Variants in SCEL observed in about 807,000 individuals in gnomAD.
SCEL encodes the protein sciellin.
Under a neutral mutation model 117.6 loss-of-function variants are expected in SCEL, and 113 were observed. The observed-to-expected ratio is 0.96, with a 90% CI of 0.83 to 1.12. The LOEUF is 1.12. Ranked by LOEUF, SCEL falls within the 50% of genes most tolerant of loss-of-function variation. SCEL has a pLI of 0.00. For synonymous variants in SCEL, 270 were observed against 256.2 expected (o/e 1.05, Z -0.51); for missense variants, 785 against 810.8 (o/e 0.97, Z 0.39).
At chr13:77,550,413 T>A (rs200288653) in intron 1 of SCEL, among the ~76,000 whole-genome samples, 60 of 135,852 alleles carry the variant, frequency 4.4e-4, no homozygotes, top group African/African-American at 8.7e-4. Flanking sequence ...TATATATATA[T>A]TATATATATA....
intron 20 of SCEL, among the ~76,000 whole-genome samples, chr13:77,608,629 C>A (rs2088408446): frequency 6.6e-6 from 1 of 151,996 alleles, no homozygotes; most frequent in South Asian, 2.1e-4. Context: ...TTTTTTGTCA[C>A]TTGATAGTTG....
In SCEL at chr13:77,644,271, A is replaced by G. The variant is rs1159607406; in HGVS notation, c.2064A>G (p.Pro688=). 8 of 1,613,286 alleles carry G rather than the reference A, an allele frequency of 5.0e-6. No individual in the cohort carries two copies. Among genetic ancestry groups the G allele is most frequent in the South Asian group, 1.1e-5 (1 of 90,996 alleles). Residue 688 remains proline, a synonymous_variant, in exon 33 of 33, where the codon CCA becomes CCG. Coordinates refer to ENST00000349847, the MANE Select transcript of SCEL (RefSeq NM_144777.3). ...TTTAATTTGCAGCAAAGTGGATTCC[A>G]TAACTCTGGCACAAGGAAATCAAGA... The part of the protein sequence containing the change: ...CYSKIMAKWI[P]
At chr13:77,604,201 T>C in intron 18 of SCEL, 155 bp from the exon 19 acceptor site, 1 of 481,340 alleles carries the variant, frequency 2.1e-6, no homozygotes, top group Non-Finnish European at 3.6e-6. Context: ...GCTCAAGTTG[T>C]AAGAGAATAT....
At position 77,568,379 on chromosome 13, in the gene SCEL, A is replaced by C. The variant is rs1239630151; in HGVS notation, c.398+46A>C. ...TAGTATATTTCTTTTTATGTATTCA[A>C]GAAAAACCAGGGAAAACCACCTCAG... On this transcript the variant is annotated intron_variant, in intron 7 of 32. Coordinates refer to ENST00000349847, the MANE Select transcript of SCEL (RefSeq NM_144777.3). 14 of 1,282,560 alleles carry C rather than the reference A, an allele frequency of 1.1e-5. No homozygotes were observed. The South Asian group carries it at 1.4e-4, about 13-fold the overall frequency. 79.4% of individuals were successfully genotyped at this position (1,282,560 alleles called of 1,614,324 possible). A position where few individuals can be genotyped will look rare whatever the true frequency, so the allele number is the denominator to read the frequency against.
intron 28 of SCEL, among the ~76,000 whole-genome samples, chr13:77,628,729 T>C (rs2089891176): frequency 6.6e-6 from 1 of 152,306 alleles, no homozygotes; most frequent in East Asian, 1.9e-4. Flanking sequence ...AGAAATGATA[T>C]TGTGATTTCA....
intron 1 of SCEL, among the ~76,000 whole-genome samples, chr13:77,547,041 G>A (rs2084030219): frequency 6.6e-6 from 1 of 152,140 alleles, no homozygotes; most frequent in South Asian, 2.1e-4. Flanking sequence ...CCTGAGAAAT[G>A]TGGCTTTAGA....
At chr13:77,538,592 G>A (rs1172197363) in intron 1 of SCEL, among the ~76,000 whole-genome samples, 3 of 152,002 alleles carry the variant, frequency 2.0e-5, no homozygotes, top group Admixed American at 6.5e-5. Flanking sequence ...ATTTCATGTC[G>A]ATTACTAAAT....
chr13:77,635,281 T>C (rs966444391), intron 29 of SCEL, among the ~76,000 whole-genome samples: 1 of 152,220 alleles, frequency 6.6e-6, no homozygotes, highest in Non-Finnish European at 1.5e-5. Flanking sequence ...TCTGGCGTGT[T>C]CAAGTCAGTG....
chr13:77,543,541 C>T (rs933988021), intron 1 of SCEL, among the ~76,000 whole-genome samples: 2 of 152,152 alleles, frequency 1.3e-5, no homozygotes, highest in Non-Finnish European at 2.9e-5. Context: ...AAATGTCACT[C>T]TATGTAAATC....
In SCEL at chr13:77,640,749, G is replaced by T. The variant is rs200366354; in HGVS notation, c.1912G>T (p.Glu638Ter). Residue 638 changes from glutamate to a stop codon, truncating the protein, a stop_gained, in exon 31 of 33, where the codon GAA becomes TAA. Coordinates refer to ENST00000349847, the MANE Select transcript of SCEL (RefSeq NM_144777.3). LOFTEE classifies it high-confidence loss of function. Reference protein sequence around the residue: ...LGVETKMILDELQICCHSTCF... With the variant: ...LGVETKMILD ...TGTAGAAACTAAAATGATTTTAGAT[G>T]AATTACAAATTTGCTGCCATTCTAC... 6.9e-6 allele frequency: 11 copies of T among 1,603,290 alleles called. No homozygotes were observed. The South Asian group carries it at 8.9e-5, about 13-fold the overall frequency.
chr13:77,541,706 A>AT (rs961346966), intron 1 of SCEL, among the ~76,000 whole-genome samples: 11 of 151,662 alleles, frequency 7.3e-5, no homozygotes, highest in Admixed American at 2.0e-4. Flanking sequence ...AAGGTGTCTG[A>AT]TTTTTTTTTC....
chr13:77,613,540 G>T (rs2088817085), intron 23 of SCEL, among the ~76,000 whole-genome samples: 1 of 152,114 alleles, frequency 6.6e-6, no homozygotes, highest in African/African-American at 2.4e-5. Context: ...TTATGAACAT[G>T]AGACAGAGGG....
At chr13:77,564,268 G>A (rs940307909) in intron 5 of SCEL, among the ~76,000 whole-genome samples, 9 of 150,230 alleles carry the variant, frequency 6.0e-5, no homozygotes, top group South Asian at 2.1e-4. Context: ...GTGGAAAAAC[G>A]TTAGTCCATG....
intron 19 of SCEL, 105 bp downstream of exon 19, chr13:77,604,520 C>T: frequency 1.2e-6 from 1 of 813,778 alleles, no homozygotes; most frequent in Non-Finnish European, 1.9e-6. Context: ...CAGGCCAAAA[C>T]AAACTGAGCT....
intron 1 of SCEL, among the ~76,000 whole-genome samples, chr13:77,543,310 C>G (rs1281401323): frequency 2.0e-5 from 3 of 151,788 alleles, no homozygotes; most frequent in East Asian, 1.9e-4. Flanking sequence ...GTCTCGATCT[C>G]CTGACCTCGT....
chr13:77,606,883 C>T lies in SCEL; in HGVS notation c.1158-1173C>T, dbSNP rs552116218. 2.5e-4 allele frequency among the ~76,000 whole-genome samples: 38 copies of T among 152,194 alleles called. 1 individual carries two copies. In the South Asian group the frequency reaches 7.5e-3, roughly 30 times the overall value. On this transcript the variant is annotated intron_variant, in intron 19 of 32. Transcript: ENST00000349847. ...TGTTCTTTTCCCTATGTGGCATCCT[C>T]TGTAGATCAGAGCAGCATTTACTGC...
intron 30 of SCEL, among the ~76,000 whole-genome samples, chr13:77,637,730 T>G (rs2090373513): frequency 6.6e-6 from 1 of 152,056 alleles, no homozygotes; most frequent in Non-Finnish European, 1.5e-5. Context: ...AATCCCCCCT[T>G]CTTGTGCTTT....
At chr13:77,539,343 C>CA (rs2083575954) in intron 1 of SCEL, among the ~76,000 whole-genome samples, 2 of 151,066 alleles carry the variant, frequency 1.3e-5, no homozygotes, top group African/African-American at 4.9e-5. Context: ...CACAATAGCA[C>CA]AAAAATATAA....
rs753913339 is a variant in SCEL at position 77,609,106 on chromosome 13, A to C, written c.1266A>C (p.Lys422Asn). 87 of 1,598,288 alleles carry C rather than the reference A, an allele frequency of 5.4e-5. 1 individual carries two copies. Among genetic ancestry groups the C allele is most frequent in the Non-Finnish European group, 4.2e-5 (49 of 1,175,872 alleles). ...TCAAAGTGTATCCAGGAACAGAAAA[A>C]AGTACTGAAGGGTAAGATTTAATAA... Reference protein sequence around the residue: ...NFIKVYPGTEKSTEGGQSLDS... With the variant: ...NFIKVYPGTENSTEGGQSLDS... Residue 422 changes from lysine (K) to asparagine (N), a missense_variant, in exon 21 of 33, where the codon AAA (lysine) becomes AAC (asparagine). Physicochemically the swap from Lys to Asn is moderately conservative, Grantham distance 94. Transcript: ENST00000349847.
Sources: gnomAD v4.1 joint callset for allele counts (sites outside exome capture counted in the v4.1 genomes callset) on GRCh38, gnomAD v4.1.1 for gene constraint, MANE v1.5 for transcripts, NCBI Gene and HGNC (gene_info 2026-07-23, HGNC 2026-07-21) for gene names.